The following GUCY1A2 variants were observed in gnomAD, a reference collection of about 807,000 sequenced individuals.
GUCY1A2 encodes the protein guanylate cyclase 1 soluble subunit alpha 2, also known as guanylate cyclase soluble subunit alpha-2.
Under a neutral mutation model 63.5 loss-of-function variants are expected in GUCY1A2, and 27 were observed. The observed-to-expected ratio is 0.43, with a 90% CI of 0.31 to 0.59. The LOEUF (loss-of-function observed/expected upper bound fraction) is 0.59, where lower values mean the gene tolerates loss of function less well. GUCY1A2 is among the 20% of genes least tolerant of loss of function. The pLI is 0.11. For missense variants in GUCY1A2, 768 were observed against 913.3 expected (o/e 0.84, Z 2.05); for synonymous variants, 364 against 343.5 (o/e 1.06, Z -0.66).
chr11:106,793,719 A>T (rs1217713537), intron 5 of GUCY1A2, among the ~76,000 whole-genome samples: 1 of 152,136 alleles, frequency 6.6e-6, no homozygotes, highest in Non-Finnish European at 1.5e-5. Flanking sequence ...TTTCAAGAGA[A>T]TACCTAAAAA....
At chr11:106,849,042 T>C (rs752725566) in intron 4 of GUCY1A2, among the ~76,000 whole-genome samples, 5 of 151,608 alleles carry the variant, frequency 3.3e-5, no homozygotes, top group Non-Finnish European at 5.9e-5. Context: ...CCTGTAAGAT[T>C]GTATAGAGTA....
At chr11:106,731,899 T>C (rs1374880659) in intron 6 of GUCY1A2, among the ~76,000 whole-genome samples, 1 of 152,054 alleles carries the variant, frequency 6.6e-6, no homozygotes, top group East Asian at 1.9e-4. Flanking sequence ...AAATCAGAGA[T>C]GGTACAAACA....
In GUCY1A2 at chr11:106,708,097, T is replaced by G. The variant is rs372956526; in HGVS notation, c.1991+415A>C. 1.4e-4 allele frequency among the ~76,000 whole-genome samples: 21 copies of G among 151,948 alleles called. No homozygotes were observed. In the East Asian group the frequency reaches 3.3e-3, roughly 24 times the overall value. Reference sequence around the variant, plus strand: ...AGGTATAATTTATATATATATAAATTTAAAGACTTTATTTATTTATTCAAA... The same window carrying G: ...AGGTATAATTTATATATATATAAATGTAAAGACTTTATTTATTTATTCAAA... On this transcript the variant is annotated intron_variant, in intron 7 of 7. Coordinates refer to ENST00000526355, the MANE Select transcript of GUCY1A2 (RefSeq NM_000855.3).
At position 106,939,643 on chromosome 11, in the gene GUCY1A2, C is replaced by A; in HGVS notation, c.1023G>T (p.Gln341His). The A allele has an allele frequency of 6.2e-7, 1 of 1,613,950 alleles. No individual in the cohort carries two copies. The change falls in exon 4 of 8, where the codon CAG (glutamine) becomes CAT (histidine). Residue 341 changes from glutamine to histidine, a missense_variant. By Grantham distance (24) the Gln-to-His change is conservative. Transcript: ENST00000526355. ...GCTGCTTCCTTAGACCTTCCCCCAA[C>A]TGAAGGACTGACATGCTGGGATCAA... ...LMFDPSMSVL[Q>H]LGEGLRKQLR... is the part of the protein sequence containing the mutation.
chr11:106,794,919 G>C (rs926369234), intron 5 of GUCY1A2, among the ~76,000 whole-genome samples: 1 of 152,076 alleles, frequency 6.6e-6, no homozygotes, highest in African/African-American at 2.4e-5. Flanking sequence ...CATTCTCTCT[G>C]ATCTTGGTCT....
At chr11:106,752,795 T>G (rs1863906652) in intron 6 of GUCY1A2, among the ~76,000 whole-genome samples, 1 of 152,182 alleles carries the variant, frequency 6.6e-6, no homozygotes, top group Non-Finnish European at 1.5e-5. Flanking sequence ...GACTTTGCTA[T>G]TGTGAACAGT....
intron 1 of GUCY1A2, among the ~76,000 whole-genome samples, chr11:106,987,652 C>CAAAAAAAA (rs59863037): frequency 9.2e-6 from 1 of 108,854 alleles, no homozygotes. Context: ...GACTCTGCCT[C>CAAAAAAAA]AAAAAAAAAA....
chr11:106,716,223 C>T (rs78778233), intron 6 of GUCY1A2, among the ~76,000 whole-genome samples: 4,243 of 152,212 alleles, frequency 0.028, 206 homozygotes, highest in African/African-American at 0.095. Flanking sequence ...GGAATATGCC[C>T]CACAGCAGAT....
At chr11:106,778,073 A>G (rs960273965) in intron 5 of GUCY1A2, among the ~76,000 whole-genome samples, 13 of 152,184 alleles carry the variant, frequency 8.5e-5, no homozygotes, top group African/African-American at 3.1e-4. Flanking sequence ...TAAAAGTTCT[A>G]TTACTTTAGA....
At chr11:106,759,998 T>TAAAG (rs1864038231) in intron 6 of GUCY1A2, among the ~76,000 whole-genome samples, 2 of 152,100 alleles carry the variant, frequency 1.3e-5, no homozygotes, top group African/African-American at 4.8e-5. Flanking sequence ...GAATGCCATG[T>TAAAG]AAAGATTGGA....
intron 4 of GUCY1A2, among the ~76,000 whole-genome samples, chr11:106,935,922 A>T (rs1450851297): frequency 6.6e-6 from 1 of 152,076 alleles, no homozygotes; most frequent in Non-Finnish European, 1.5e-5. Context: ...TATATATGTT[A>T]AGTATGATTT....
intron 1 of GUCY1A2, among the ~76,000 whole-genome samples, chr11:107,016,250 C>G (rs1861822049): frequency 6.6e-6 from 1 of 152,184 alleles, no homozygotes; most frequent in African/African-American, 2.4e-5. Context: ...AAGTAAAAGT[C>G]CTAGGGGTGG....
At chr11:106,875,990 C>T (rs528410690) in intron 4 of GUCY1A2, among the ~76,000 whole-genome samples, 1 of 151,962 alleles carries the variant, frequency 6.6e-6, no homozygotes, top group African/African-American at 2.4e-5. Flanking sequence ...AAAGGTGAAT[C>T]CTTTTTATTC....
chr11:106,963,026 G>A (rs1861080053), intron 3 of GUCY1A2, among the ~76,000 whole-genome samples: 1 of 152,108 alleles, frequency 6.6e-6, no homozygotes, highest in Non-Finnish European at 1.5e-5. Context: ...CCAACTTAGT[G>A]TGATGTCCTG....
intron 4 of GUCY1A2, among the ~76,000 whole-genome samples, chr11:106,914,730 T>C (rs926493793): frequency 3.3e-5 from 5 of 151,374 alleles, no homozygotes; most frequent in African/African-American, 1.2e-4. Flanking sequence ...ATTGAAAATA[T>C]GAGAAGAGTA....
chr11:106,734,456 A>C (rs187714325), intron 6 of GUCY1A2, among the ~76,000 whole-genome samples: 119 of 152,254 alleles, frequency 7.8e-4, no homozygotes, highest in African/African-American at 2.7e-3. Flanking sequence ...TATTTCATAG[A>C]ATGTAAGACT....
At chr11:106,862,027 A>C (rs1859519793) in intron 4 of GUCY1A2, among the ~76,000 whole-genome samples, 1 of 152,034 alleles carries the variant, frequency 6.6e-6, no homozygotes, top group Non-Finnish European at 1.5e-5. Flanking sequence ...TAATAAATGA[A>C]AAATGCAAAA....
intron 1 of GUCY1A2, among the ~76,000 whole-genome samples, chr11:107,015,761 T>A (rs920392127): frequency 1.4e-4 from 22 of 152,100 alleles, no homozygotes; most frequent in African/African-American, 5.1e-4. Context: ...TGGACTCCTG[T>A]TGTAAATAAA....
At position 106,975,749 on chromosome 11, in the gene GUCY1A2, A is replaced by G. The variant is rs548418965; in HGVS notation, c.487+2870T>C. ...TGATATCTGGAAGCAGTTCTTTCCC[A>G]TTACTCCAGAGGCATGAAACACCTT... On this transcript the variant is annotated intron_variant, in intron 3 of 7. Transcript: ENST00000526355. Among the ~76,000 whole-genome samples the G allele has an allele frequency of 8.5e-5, 13 of 152,348 alleles. 1 individual carries two copies. In the South Asian group the frequency reaches 2.5e-3, roughly 29 times the overall value.
Sources: allele counts gnomAD v4.1 joint callset (sites outside exome capture counted in the v4.1 genomes callset), GRCh38; gene constraint gnomAD v4.1.1; transcripts MANE v1.5; gene names NCBI Gene and HGNC (gene_info 2026-07-23, HGNC 2026-07-21).